Variants in SHROOM3 observed in about 807,000 individuals in gnomAD.
The protein encoded by SHROOM3 is protein Shroom3.
A neutral mutation model predicts 138.6 loss-of-function variants in SHROOM3; 47 were observed. The ratio of observed to expected loss-of-function variants is 0.34; its 90% CI spans 0.27 to 0.43. SHROOM3 has a LOEUF of 0.43. Among genes scored for constraint, SHROOM3 ranks in the 20% least tolerant of loss-of-function variants. The pLI, the probability that SHROOM3 is intolerant of heterozygous loss-of-function variation, is 1.00. For missense variants in SHROOM3, 2,491 were observed against 2,596.5 expected, an observed-to-expected ratio of 0.96 and a Z score of 0.88; for synonymous variants, 1,062 against 1,063.3, an observed-to-expected ratio of 1.00 and a Z score of 0.02.
At chr4:76,720,211 G>GAGGAGCCTGGAAGTAGTTAT (rs1720500644) in intron 3 of SHROOM3, among the ~76,000 whole-genome samples, 1 of 117,750 alleles carries the variant, frequency 8.5e-6, no homozygotes, top group Non-Finnish European at 1.6e-5. Context: ...GGATAGTCTT[G>GAGGAGCCTGGAAGTAGTTAT]AGGAGCCTGG....
chr4:76,692,767 G>T (rs1441980228), intron 2 of SHROOM3, among the ~76,000 whole-genome samples: 2 of 152,194 alleles, frequency 1.3e-5, no homozygotes, highest in Non-Finnish European at 2.9e-5. Flanking sequence ...ATAATAATAA[G>T]CAATTCTATT....
At chr4:76,637,220 G>C (rs567571091) in intron 2 of SHROOM3, among the ~76,000 whole-genome samples, 6 of 152,252 alleles carry the variant, frequency 3.9e-5, no homozygotes, top group African/African-American at 1.4e-4. Flanking sequence ...GTTTTCCAAA[G>C]AAAGAAAATA....
chr4:76,537,557 A>G (rs1306773857), intron 1 of SHROOM3, among the ~76,000 whole-genome samples: 2 of 152,222 alleles, frequency 1.3e-5, no homozygotes, highest in African/African-American at 4.8e-5. Flanking sequence ...ATCCCACTAA[A>G]TAACCCAGGC....
At chr4:76,587,600 T>A (rs921850316) in intron 2 of SHROOM3, among the ~76,000 whole-genome samples, 2 of 152,186 alleles carry the variant, frequency 1.3e-5, no homozygotes. Context: ...GAGTTTTCCA[T>A]TTTTTTCAGC....
At chr4:76,754,260 G>A in intron 6 of SHROOM3, 51 bp from the exon 7 acceptor site, 1 of 1,611,884 alleles carries the variant, frequency 6.2e-7, no homozygotes, top group Non-Finnish European at 8.5e-7. Flanking sequence ...TGGGCTGCAT[G>A]TTTGCCCCTT....
chr4:76,761,658 G>A (rs868600601), intron 9 of SHROOM3, among the ~76,000 whole-genome samples: 5 of 152,188 alleles, frequency 3.3e-5, no homozygotes, highest in South Asian at 4.2e-4. Flanking sequence ...AGGTTCTCTG[G>A]GTATAACTAA....
chr4:76,677,158 G>A (rs1719064003), intron 2 of SHROOM3, among the ~76,000 whole-genome samples: 1 of 152,164 alleles, frequency 6.6e-6, no homozygotes, highest in Non-Finnish European at 1.5e-5. Flanking sequence ...AAAGGGTTTA[G>A]AAGTAGCTTG....
chr4:76,768,150 C>G (rs1038935991), intron 9 of SHROOM3, among the ~76,000 whole-genome samples: 1 of 152,262 alleles, frequency 6.6e-6, no homozygotes, highest in Non-Finnish European at 1.5e-5. Flanking sequence ...CATTCTCTCT[C>G]ATTATCTGTC....
chr4:76,667,445 T>A (rs1319075039), intron 2 of SHROOM3, among the ~76,000 whole-genome samples: 6 of 151,982 alleles, frequency 3.9e-5, no homozygotes, highest in Non-Finnish European at 8.8e-5. Context: ...CAGCCCTGAG[T>A]AGCTGGGACT....
intron 1 of SHROOM3, among the ~76,000 whole-genome samples, chr4:76,489,158 A>G (rs1345602146): frequency 6.6e-6 from 1 of 152,250 alleles, no homozygotes; most frequent in East Asian, 1.9e-4. Flanking sequence ...AGACGGCAAA[A>G]GAAGCCCAGT....
At chr4:76,632,518 C>T (rs974448358) in intron 2 of SHROOM3, among the ~76,000 whole-genome samples, 1 of 152,126 alleles carries the variant, frequency 6.6e-6, no homozygotes, top group Non-Finnish European at 1.5e-5. Flanking sequence ...AAACACAAAT[C>T]ATTGACTTGG....
At chr4:76,771,790 C>T (rs534461561) in intron 10 of SHROOM3, among the ~76,000 whole-genome samples, 1 of 152,274 alleles carries the variant, frequency 6.6e-6, no homozygotes, top group East Asian at 1.9e-4. Context: ...CTGCAGACTC[C>T]AAGTTGTATC....
chr4:76,688,840 C>A, intron 2 of SHROOM3: 1 of 985,114 alleles, frequency 1.0e-6, no homozygotes, highest in Non-Finnish European at 1.2e-6. Context: ...CTTATGGAAA[C>A]AAAAACAGGC....
At chr4:76,691,994 CT>C (rs1434893062) in intron 2 of SHROOM3, among the ~76,000 whole-genome samples, 1 of 152,140 alleles carries the variant, frequency 6.6e-6, no homozygotes, top group Non-Finnish European at 1.5e-5. Context: ...CAGAAGTATC[CT>C]GTAATTCTAA....
intron 1 of SHROOM3, among the ~76,000 whole-genome samples, chr4:76,544,593 C>T (rs1275996069): frequency 4.0e-5 from 6 of 151,618 alleles, no homozygotes; most frequent in African/African-American, 4.8e-5. Flanking sequence ...GATAGGGTTT[C>T]GCCATGTTGG....
At chr4:76,697,664 G>A (rs1274228999) in intron 2 of SHROOM3, among the ~76,000 whole-genome samples, 1 of 152,166 alleles carries the variant, frequency 6.6e-6, no homozygotes, top group Non-Finnish European at 1.5e-5. Context: ...AATGAGGACA[G>A]CATTTCAGAG....
intron 1 of SHROOM3, among the ~76,000 whole-genome samples, chr4:76,457,798 CTT>C (rs1186099037): frequency 2.2e-4 from 30 of 137,918 alleles, no homozygotes; most frequent in East Asian, 4.3e-4. Flanking sequence ...CTTTTCTTTT[CTT>C]TTTTTTTTTT....
chr4:76,534,901 A>G (rs1260533295), intron 1 of SHROOM3, among the ~76,000 whole-genome samples: 1 of 152,146 alleles, frequency 6.6e-6, no homozygotes, highest in Non-Finnish European at 1.5e-5. Context: ...CTTCCTCTTA[A>G]GGACCATGGA....
At chr4:76,537,218 C>T (rs573426987) in intron 1 of SHROOM3, among the ~76,000 whole-genome samples, 1 of 152,232 alleles carries the variant, frequency 6.6e-6, no homozygotes, top group Non-Finnish European at 1.5e-5. Flanking sequence ...AGTGCAAAGA[C>T]CACACAGTAG....
Sources: gnomAD v4.1 joint callset for allele counts (sites outside exome capture counted in the v4.1 genomes callset) on GRCh38, gnomAD v4.1.1 for gene constraint, MANE v1.5 for transcripts, NCBI Gene and HGNC (gene_info 2026-07-23, HGNC 2026-07-21) for gene names.